Variants in STXBP5L observed in about 807,000 individuals in gnomAD.
STXBP5L encodes the protein syntaxin binding protein 5L.
Under a neutral mutation model 144.5 loss-of-function variants are expected in STXBP5L, and 65 were observed. The ratio of observed to expected loss-of-function variants is 0.45; its 90% CI spans 0.37 to 0.55. The LOEUF (loss-of-function observed/expected upper bound fraction) is 0.55, where lower values mean the gene tolerates loss of function less well. Ranked by LOEUF, STXBP5L falls within the 20% of genes least tolerant of loss-of-function variation. STXBP5L has a pLI of 0.00. For synonymous variants in STXBP5L, 505 were observed against 469.6 expected (o/e 1.08, Z -0.97); for missense variants, 1,298 against 1,405.5 (o/e 0.92, Z 1.22).
intron 5 of STXBP5L, among the ~76,000 whole-genome samples, chr3:121,092,069 A>C (rs2042834078): frequency 6.6e-6 from 1 of 152,174 alleles, no homozygotes; most frequent in African/African-American, 2.4e-5. Context: ...CGGGTTTGTC[A>C]AAGATCAGAT....
chr3:121,106,152 T>G (rs578184801), intron 5 of STXBP5L, among the ~76,000 whole-genome samples: 1 of 152,332 alleles, frequency 6.6e-6, no homozygotes, highest in South Asian at 2.1e-4. Flanking sequence ...TTTAGTTTTA[T>G]TTTTCTTACT....
intron 20 of STXBP5L, among the ~76,000 whole-genome samples, chr3:121,325,437 T>A (rs1294203719): frequency 6.6e-6 from 1 of 152,036 alleles, no homozygotes. Flanking sequence ...ATATTTGTTT[T>A]TTCCCTAGTG....
At chr3:121,062,152 C>A (rs1576824468) in intron 5 of STXBP5L, among the ~76,000 whole-genome samples, 1 of 152,174 alleles carries the variant, frequency 6.6e-6, no homozygotes, top group South Asian at 2.1e-4. Flanking sequence ...TCTTGAAAGG[C>A]AAAGCCGCCA....
chr3:120,991,134 G>C (rs1425042717), intron 3 of STXBP5L, among the ~76,000 whole-genome samples: 1 of 151,202 alleles, frequency 6.6e-6, no homozygotes, highest in Non-Finnish European at 1.5e-5. Context: ...AAATTTACAA[G>C]AAACAAACAA....
At chr3:121,297,494 C>T (rs1319253669) in intron 19 of STXBP5L, among the ~76,000 whole-genome samples, 2 of 152,146 alleles carry the variant, frequency 1.3e-5, no homozygotes, top group East Asian at 3.9e-4. Context: ...TGGCTCACGC[C>T]TATAATCCTA....
rs116578540 is a variant in STXBP5L, at chr3:121,065,281, G to A, written c.470+19746G>A. Among the ~76,000 whole-genome samples, 707 of 152,110 alleles carry A rather than the reference G, an allele frequency of 4.6e-3. 5 individuals carry two copies. Among genetic ancestry groups the A allele is most frequent in the African/African-American group, 0.016 (668 of 41,508 alleles). On this transcript the variant is annotated intron_variant, in intron 5 of 26. Transcript: ENST00000471454. ...CAGTAATGGGATTGCTGGGTCAAATGTTTGCTCTGCTTTAAGTTCTTTGAG... is the reference window on the plus strand; with the variant it reads ...CAGTAATGGGATTGCTGGGTCAAATATTTGCTCTGCTTTAAGTTCTTTGAG...
chr3:121,108,847 CT>C (rs1272497451), intron 5 of STXBP5L, among the ~76,000 whole-genome samples: 3 of 151,974 alleles, frequency 2.0e-5, no homozygotes, highest in Non-Finnish European at 4.4e-5. Context: ...TGGTCCTGGG[CT>C]TTTTTTGGTT....
chr3:120,972,079 T>TAAA (rs1940337751), intron 3 of STXBP5L, among the ~76,000 whole-genome samples: 1 of 152,058 alleles, frequency 6.6e-6, no homozygotes, highest in African/African-American at 2.4e-5. Context: ...TTATATGAAT[T>TAAA]TTACAATTAT....
At chr3:121,193,079 A>T (rs2047766922) in intron 9 of STXBP5L, among the ~76,000 whole-genome samples, 1 of 142,986 alleles carries the variant, frequency 7.0e-6, no homozygotes, top group Non-Finnish European at 1.5e-5. Flanking sequence ...CCTATCTGAC[A>T]AAGGGCTAAT....
At chr3:121,198,359 G>A (rs1400845775) in intron 9 of STXBP5L, among the ~76,000 whole-genome samples, 1 of 151,814 alleles carries the variant, frequency 6.6e-6, no homozygotes, top group Non-Finnish European at 1.5e-5. Context: ...ATTTGTTTAA[G>A]TTCCTTGTAG....
intron 21 of STXBP5L, among the ~76,000 whole-genome samples, chr3:121,380,688 A>T (rs1268421950): frequency 3.3e-5 from 5 of 152,124 alleles, no homozygotes. Flanking sequence ...CCCTAGGCAA[A>T]GTTAGGACTG....
chr3:121,271,716 T>C (rs2050739056), intron 18 of STXBP5L, among the ~76,000 whole-genome samples: 1 of 152,228 alleles, frequency 6.6e-6, no homozygotes, highest in Non-Finnish European at 1.5e-5. Flanking sequence ...GTGAATTCAG[T>C]CAAATCCTTT....
intron 3 of STXBP5L, among the ~76,000 whole-genome samples, chr3:120,976,375 G>A (rs1226736552): frequency 6.6e-6 from 1 of 152,082 alleles, no homozygotes; most frequent in African/African-American, 2.4e-5. Context: ...GTATTTCTGT[G>A]GGATTGGTGG....
chr3:121,281,692 C>T (rs1275989548), intron 19 of STXBP5L, among the ~76,000 whole-genome samples: 1 of 151,808 alleles, frequency 6.6e-6, no homozygotes, highest in African/African-American at 2.4e-5. Context: ...ACTGCTTGAA[C>T]CTTAACAGTT....
intron 22 of STXBP5L, among the ~76,000 whole-genome samples, chr3:121,399,424 GAC>G (rs1036980509): frequency 3.3e-5 from 5 of 152,142 alleles, no homozygotes; most frequent in African/African-American, 9.7e-5. Context: ...AGGAATTAAA[GAC>G]ACACACACAG....
chr3:121,389,902 C>T (rs763068344), intron 22 of STXBP5L, among the ~76,000 whole-genome samples: 1 of 152,136 alleles, frequency 6.6e-6, no homozygotes, highest in African/African-American at 2.4e-5. Context: ...TCTATTACGT[C>T]TGCTTGTTGC....
chr3:121,109,471 A>G (rs1037224677), intron 5 of STXBP5L, among the ~76,000 whole-genome samples: 1 of 152,026 alleles, frequency 6.6e-6, no homozygotes, highest in African/African-American at 2.4e-5. Context: ...TTCTGCCTTA[A>G]TTTCATTACC....
At chr3:121,127,797 C>G (rs1374452516) in intron 7 of STXBP5L, among the ~76,000 whole-genome samples, 3 of 151,988 alleles carry the variant, frequency 2.0e-5, no homozygotes, top group Non-Finnish European at 4.4e-5. Flanking sequence ...TTGTAAACCC[C>G]AGCAACCCCC....
chr3:121,327,200 A>G (rs2044176751), intron 20 of STXBP5L, among the ~76,000 whole-genome samples: 1 of 152,184 alleles, frequency 6.6e-6, no homozygotes. Flanking sequence ...TTGAAGAAAG[A>G]TGATACAGTC....
Sources: allele counts gnomAD v4.1 joint callset (sites outside exome capture counted in the v4.1 genomes callset), GRCh38; gene constraint gnomAD v4.1.1; transcripts MANE v1.5; gene names NCBI Gene and HGNC (gene_info 2026-07-23, HGNC 2026-07-21).